The following LRFN2 variants were observed in gnomAD, a reference collection of about 807,000 sequenced individuals.
LRFN2 encodes leucine rich repeat and fibronectin type III domain containing 2, also known as leucine-rich repeat and fibronectin type-III domain-containing protein 2.
A neutral mutation model predicts 37.3 loss-of-function variants in LRFN2; 18 were observed. The ratio of observed to expected loss-of-function variants is 0.48; its 90% CI spans 0.33 to 0.72. LRFN2 has a LOEUF of 0.72. Ranked by LOEUF, LRFN2 falls within the 30% of genes least tolerant of loss-of-function variation. The pLI, the probability that LRFN2 is intolerant of heterozygous loss-of-function variation, is 0.02. For synonymous variants in LRFN2, 556 were observed against 466.6 expected, an observed-to-expected ratio of 1.19 and a Z score of -2.47; for missense variants, 1,006 against 1,060.7, an observed-to-expected ratio of 0.95 and a Z score of 0.72.
chr6:40,427,667 G>A (rs1013502823), intron 2 of LRFN2, among the ~76,000 whole-genome samples: 1 of 152,202 alleles, frequency 6.6e-6, no homozygotes, highest in Non-Finnish European at 1.5e-5. Flanking sequence ...GCTACCTACT[G>A]AGAAAGTCTT....
At chr6:40,462,739 C>A (rs1764373361) in intron 1 of LRFN2, among the ~76,000 whole-genome samples, 1 of 152,178 alleles carries the variant, frequency 6.6e-6, no homozygotes, top group Non-Finnish European at 1.5e-5. Context: ...CAGATGAAGG[C>A]ACCAAGGCTC....
chr6:40,428,703 T>C (rs984681295), intron 2 of LRFN2, among the ~76,000 whole-genome samples: 2 of 152,224 alleles, frequency 1.3e-5, no homozygotes, highest in African/African-American at 2.4e-5. Context: ...TGCTTCTTCA[T>C]ATATCCAGAA....
chr6:40,441,904 A>C (rs1763845618), intron 1 of LRFN2, among the ~76,000 whole-genome samples: 1 of 152,238 alleles, frequency 6.6e-6, no homozygotes, highest in African/African-American at 2.4e-5. Flanking sequence ...GGGAGACCAG[A>C]GTTCCTGGAT....
At chr6:40,452,837 C>T (rs1019125099) in intron 1 of LRFN2, among the ~76,000 whole-genome samples, 4 of 151,952 alleles carry the variant, frequency 2.6e-5, no homozygotes, top group African/African-American at 9.7e-5. Context: ...GAGAAGGAAG[C>T]AGAGGGTGAG....
Position 40,442,822 on chromosome 6 carries a change from A to T in LRFN2, c.-18-9691T>A, listed in dbSNP as rs116143547. 3.3e-3 allele frequency among the ~76,000 whole-genome samples: 503 copies of T among 152,194 alleles called. 2 individuals carry two copies. Among genetic ancestry groups the T allele is most frequent in the African/African-American group, 0.012 (488 of 41,542 alleles). On this transcript the variant is annotated intron_variant, in intron 1 of 2. Transcript: ENST00000338305. ...CCTGCTGAGGGCCTGGTCTCCCTGA[A>T]CACCCCTCCTGGTTGTGCGGAGCTG...
chr6:40,422,836 T>C (rs1256350560), intron 2 of LRFN2, among the ~76,000 whole-genome samples: 1 of 152,210 alleles, frequency 6.6e-6, no homozygotes, highest in African/African-American at 2.4e-5. Flanking sequence ...ACTGGTTCTC[T>C]TGTTATCTCT....
intron 1 of LRFN2, among the ~76,000 whole-genome samples, chr6:40,441,770 A>G (rs575361194): frequency 3.3e-5 from 5 of 152,082 alleles, no homozygotes; most frequent in African/African-American, 1.2e-4. Flanking sequence ...ACACAATGAG[A>G]TTTTTGCTTT....
At chr6:40,504,489 A>G (rs569086456) in intron 1 of LRFN2, among the ~76,000 whole-genome samples, 9 of 152,308 alleles carry the variant, frequency 5.9e-5, no homozygotes, top group Non-Finnish European at 4.4e-5. Context: ...GCGTATGAGG[A>G]AATCAGGATG....
intron 2 of LRFN2, among the ~76,000 whole-genome samples, chr6:40,396,065 G>A (rs1171433926): frequency 1.5e-5 from 2 of 132,238 alleles, no homozygotes; most frequent in Non-Finnish European, 3.3e-5. Context: ...ACTACTATTA[G>A]TACTACTACT....
At chr6:40,476,278 G>T (rs191867206) in intron 1 of LRFN2, among the ~76,000 whole-genome samples, 1 of 152,154 alleles carries the variant, frequency 6.6e-6, no homozygotes, top group South Asian at 2.1e-4. Flanking sequence ...TCTGTCTGCC[G>T]CTACGTTTCT....
intron 1 of LRFN2, among the ~76,000 whole-genome samples, chr6:40,586,172 T>C (rs1767499789): frequency 6.6e-6 from 1 of 152,182 alleles, no homozygotes; most frequent in South Asian, 2.1e-4. Flanking sequence ...AGAAGGTCTG[T>C]GCAAAGTAAG....
chr6:40,572,678 C>T (rs774193185), intron 1 of LRFN2, among the ~76,000 whole-genome samples: 100 of 152,170 alleles, frequency 6.6e-4, no homozygotes, highest in Non-Finnish European at 1.2e-3. Context: ...ATTTAGTTGC[C>T]TTAGAAGCCA....
At chr6:40,410,852 G>T (rs1194735684) in intron 2 of LRFN2, among the ~76,000 whole-genome samples, 2 of 152,176 alleles carry the variant, frequency 1.3e-5, no homozygotes, top group African/African-American at 4.8e-5. Context: ...GCTTTAAGGT[G>T]GGGCTGGCCT....
Position 40,466,567 on chromosome 6 carries a change from A to G in LRFN2, c.-18-33436T>C, listed in dbSNP as rs188607849. On this transcript the variant is annotated intron_variant, in intron 1 of 2. Transcript: ENST00000338305. ...AGGAGAGGCCCCCACTCAAGAGTCT[A>G]CCAGAATTGTTCCCGCCAGAGGACA... Among the ~76,000 whole-genome samples the G allele has an allele frequency of 9.3e-4, 142 of 152,238 alleles. 1 individual carries two copies. The East Asian group carries it at 0.025, about 26-fold the overall frequency.
Position 40,475,413 on chromosome 6 carries a change from T to A in LRFN2, c.-18-42282A>T, listed in dbSNP as rs190185527. ...ACCGTCTGTATGATGCTAAGCTGTG[T>A]GTGTGCAGGCGAGGAAGGTGTGGGG... is the stretch of plus-strand genomic sequence containing the variant. On this transcript the variant is annotated intron_variant, in intron 1 of 2. Transcript: ENST00000338305. 2.0e-5 allele frequency among the ~76,000 whole-genome samples: 3 copies of A among 152,178 alleles called. No homozygotes were observed. The East Asian group carries it at 5.8e-4, about 29-fold the overall frequency.
At chr6:40,483,526 C>T (rs1263396000) in intron 1 of LRFN2, among the ~76,000 whole-genome samples, 6 of 152,360 alleles carry the variant, frequency 3.9e-5, no homozygotes, top group Admixed American at 2.6e-4. Flanking sequence ...ACAATGGCAA[C>T]GGATCCATTT....
rs759803528 is a variant in LRFN2, at chr6:40,432,605, C to T, written c.509G>A (p.Arg170Gln). The change falls in exon 2 of 3, where the codon CGA becomes CAA. Residue 170 changes from arginine to glutamine, a missense_variant. By Grantham distance (43) the Arg-to-Gln change is conservative. Transcript: ENST00000338305. ...NLHGLPWDSV[R>Q]RMVNLHQLSL... Reference sequence around the variant, plus strand: ...CAGCTGGTGGAGGTTGACCATGCGTCGCACGGAGTCCCACGGCAGGCCATG... The same window carrying T: ...CAGCTGGTGGAGGTTGACCATGCGTTGCACGGAGTCCCACGGCAGGCCATG... 1.5e-5 allele frequency: 25 copies of T among 1,614,062 alleles called. No individual in the cohort carries two copies. The highest frequency in any genetic ancestry group is 1.9e-5 in the Non-Finnish European group (23 of 1,180,048).
chr6:40,456,233 G>A (rs1764231684), intron 1 of LRFN2, among the ~76,000 whole-genome samples: 1 of 152,224 alleles, frequency 6.6e-6, no homozygotes, highest in South Asian at 2.1e-4. Flanking sequence ...CAGTAAACCT[G>A]TGTTGCTTTA....
intron 2 of LRFN2, among the ~76,000 whole-genome samples, chr6:40,405,600 A>C (rs1240967304): frequency 6.6e-6 from 1 of 152,158 alleles, no homozygotes; most frequent in Non-Finnish European, 1.5e-5. Context: ...TCCAGGCCTC[A>C]GGGATTTGTG....
Sources: allele counts gnomAD v4.1 joint callset (sites outside exome capture counted in the v4.1 genomes callset), GRCh38; gene constraint gnomAD v4.1.1; transcripts MANE v1.5; gene names NCBI Gene and HGNC (gene_info 2026-07-23, HGNC 2026-07-21).